The following STK3 variants were observed in gnomAD, a reference collection of about 807,000 sequenced individuals.
STK3 encodes the protein serine/threonine kinase 3.
In STK3, 41 loss-of-function variants were observed where a neutral mutation model predicts 58.0. That is an observed-to-expected ratio of 0.71 (90% confidence interval 0.55 to 0.92). The LOEUF is 0.92. Ranked by LOEUF, STK3 falls within the 40% of genes least tolerant of loss-of-function variation. STK3 has a pLI of 0.00. For missense variants in STK3, 479 were observed against 602.7 expected (o/e 0.79, Z 2.15); for synonymous variants, 170 against 191.0 (o/e 0.89, Z 0.91).
chr8:98,391,718 T>C (rs1460152289), upstream of STK3, among the ~76,000 whole-genome samples: 1 of 152,184 alleles, frequency 6.6e-6, no homozygotes, highest in East Asian at 1.9e-4. Context: ...CGTGCAGTCT[T>C]TCCAGGTTTT....
chr8:98,879,634 A>G (rs1837720258), downstream of STK3: 1 of 152,220 alleles, frequency 6.6e-6, no homozygotes, highest in Admixed American at 6.5e-5. Flanking sequence ...AATCAGCCTT[A>G]TTTCACTTTC....
intron 3 of STK3, among the ~76,000 whole-genome samples, chr8:98,750,903 C>A (rs953702802): frequency 1.3e-5 from 2 of 152,156 alleles, no homozygotes; most frequent in South Asian, 4.1e-4. Context: ...CCTAACTCAC[C>A]ACAGTCAAGT....
At position 98,916,404 on chromosome 8, in the gene STK3, A is replaced by T. The variant is rs531768422; in HGVS notation, c.-79+25974T>A. 4.6e-5 allele frequency among the ~76,000 whole-genome samples: 7 copies of T among 152,342 alleles called. No individual in the cohort carries two copies. In the East Asian group the frequency reaches 1.3e-3, roughly 29 times the overall value. Reference sequence around the variant, plus strand: ...ACTCTAGCCTGGGTGACAGAGCAAGACACCACCTCAAAACAAGCAAGCAAA... The same window carrying T: ...ACTCTAGCCTGGGTGACAGAGCAAGTCACCACCTCAAAACAAGCAAGCAAA... On this transcript the variant is annotated intron_variant, in intron 1 of 1. Coordinates refer to the STK3 transcript ENST00000519420.
At position 98,767,344 on chromosome 8, in the gene STK3, T is replaced by C; in HGVS notation, c.135A>G (p.Ile45Met). ...EGSYGSVFKA[I>M]HKESGQVVAI... Reference sequence around the variant, plus strand: ...CGACAACTTGACCGGATTCCTTGTGTATTGCTTTAAATACACTTCCATAAG... The same window carrying C: ...CGACAACTTGACCGGATTCCTTGTGCATTGCTTTAAATACACTTCCATAAG... Residue 45 changes from isoleucine (I) to methionine (M), a missense_variant, in exon 3 of 11, where the codon ATA (isoleucine) becomes ATG (methionine). By Grantham distance (10) the Ile-to-Met change is conservative. This residue lies in a region of STK3 where 126 missense variants were observed against 210.1 expected (regional missense o/e 0.60). Transcript: ENST00000419617. 1 of 1,609,678 alleles carries C rather than the reference T, an allele frequency of 6.2e-7. No individual in the cohort carries two copies. The highest frequency in any genetic ancestry group is 8.5e-7 in the Non-Finnish European group (1 of 1,179,008).
At chr8:98,754,961 T>C (rs898944913) in intron 3 of STK3, among the ~76,000 whole-genome samples, 5 of 152,210 alleles carry the variant, frequency 3.3e-5, no homozygotes, top group Admixed American at 3.3e-4. Context: ...AGGGTAGAAG[T>C]GACAACTCAT....
At chr8:98,570,367 C>T (rs1812864138) in intron 8 of STK3, among the ~76,000 whole-genome samples, 1 of 151,698 alleles carries the variant, frequency 6.6e-6, no homozygotes, top group Non-Finnish European at 1.5e-5. Context: ...TCTTGAACAC[C>T]TGGGCTCAAG....
intron 6 of STK3, among the ~76,000 whole-genome samples, chr8:98,662,690 T>A (rs926181217): frequency 7.2e-5 from 11 of 151,810 alleles, no homozygotes; most frequent in Admixed American, 4.6e-4. Flanking sequence ...TTTTTTTTTT[T>A]AAACTTTAAG....
chr8:98,762,184 A>G (rs115552568), intron 3 of STK3, among the ~76,000 whole-genome samples: 1,814 of 152,172 alleles, frequency 0.012, 40 homozygotes, highest in African/African-American at 0.041. Flanking sequence ...CAGCCTACCC[A>G]TTCGTCTGTT....
chr8:98,722,208 A>G (rs1827482564), intron 4 of STK3, among the ~76,000 whole-genome samples: 1 of 152,212 alleles, frequency 6.6e-6, no homozygotes. Flanking sequence ...TCAGAAACCA[A>G]GTAAGGCCCA....
intron 10 of STK3, among the ~76,000 whole-genome samples, chr8:98,525,467 A>G (rs1305476420): frequency 6.6e-6 from 1 of 152,098 alleles, no homozygotes; most frequent in Non-Finnish European, 1.5e-5. Flanking sequence ...GACACAAGAC[A>G]ACTCTTTGAG....
intron 3 of STK3, among the ~76,000 whole-genome samples, chr8:98,756,304 A>C (rs973234017): frequency 6.6e-6 from 1 of 152,270 alleles, no homozygotes; most frequent in African/African-American, 2.4e-5. Context: ...TAGCCAGATA[A>C]CTAAGCACTA....
chr8:98,545,143 C>A (rs1041724772), intron 9 of STK3, among the ~76,000 whole-genome samples: 1 of 152,132 alleles, frequency 6.6e-6, no homozygotes, highest in African/African-American at 2.4e-5. Context: ...GATAATAAAT[C>A]CTAAATTGAT....
chr8:98,404,851 A>C (rs1817978626), intron 3 of STK3, among the ~76,000 whole-genome samples: 1 of 152,260 alleles, frequency 6.6e-6, no homozygotes, highest in South Asian at 2.1e-4. Context: ...ACCTTGTCTC[A>C]AAAATAAATC....
intron 6 of STK3, among the ~76,000 whole-genome samples, chr8:98,700,946 T>C (rs1438492530): frequency 6.6e-6 from 1 of 152,156 alleles, no homozygotes; most frequent in African/African-American, 2.4e-5. Flanking sequence ...AAGATTGCAG[T>C]GAGCCTAGAT....
intron 6 of STK3, among the ~76,000 whole-genome samples, chr8:98,696,592 T>C (rs1426393951): frequency 1.3e-5 from 2 of 152,234 alleles, no homozygotes; most frequent in Admixed American, 6.5e-5. Context: ...GTCAAAGGCC[T>C]TTTCTGCATC....
At chr8:98,554,293 T>C (rs1811433377) in intron 8 of STK3, among the ~76,000 whole-genome samples, 1 of 152,190 alleles carries the variant, frequency 6.6e-6, no homozygotes, top group Non-Finnish European at 1.5e-5. Flanking sequence ...TTGTCACGGT[T>C]GCAACCAGTT....
At chr8:98,801,230 A>C (rs1412785312) in intron 1 of STK3, among the ~76,000 whole-genome samples, 1 of 152,130 alleles carries the variant, frequency 6.6e-6, no homozygotes, top group African/African-American at 2.4e-5. Context: ...TAAACGCACC[A>C]ATCAGCACCC....
At chr8:98,480,713 C>G (rs185250238) in intron 10 of STK3, among the ~76,000 whole-genome samples, 2 of 152,250 alleles carry the variant, frequency 1.3e-5, no homozygotes, top group African/African-American at 4.8e-5. Context: ...ACAAGAAATC[C>G]AACCTTGGTA....
At chr8:98,880,060 C>A (rs1312306908), downstream of STK3, 2 of 152,118 alleles carry the variant, frequency 1.3e-5, no homozygotes, top group Non-Finnish European at 2.9e-5. Context: ...GAGTTCAAGA[C>A]CAGCCTGGCT....
Sources: allele counts gnomAD v4.1 joint callset (sites outside exome capture counted in the v4.1 genomes callset), GRCh38; gene constraint gnomAD v4.1.1; regional missense constraint gnomAD v4.1.1; transcripts MANE v1.5; gene names NCBI Gene and HGNC (gene_info 2026-07-23, HGNC 2026-07-21).